PPP6R3: variants seen among roughly 807,000 people sequenced by gnomAD.
The protein encoded by PPP6R3 is protein phosphatase 6 regulatory subunit 3.
A neutral mutation model predicts 110.7 loss-of-function variants in PPP6R3; 38 were observed. The observed-to-expected ratio is 0.34, with a 90% confidence interval of 0.26 to 0.45. PPP6R3 has a LOEUF of 0.45. Ranked by LOEUF, PPP6R3 falls within the 20% of genes least tolerant of loss-of-function variation. The pLI is 1.00. For synonymous variants in PPP6R3, 369 were observed against 373.5 expected (o/e 0.99, Z 0.14); for missense variants, 870 against 1,062.4 (o/e 0.82, Z 2.52).
intron 9 of PPP6R3, among the ~76,000 whole-genome samples, chr11:68,566,582 A>G (rs749241681): frequency 6.6e-5 from 10 of 151,962 alleles, no homozygotes; most frequent in Non-Finnish European, 7.4e-5. Context: ...GCTGGTCTCA[A>G]ACTCCTGGGT....
chr11:68,490,779 C>T (rs905824853), intron 1 of PPP6R3, among the ~76,000 whole-genome samples: 2 of 152,090 alleles, frequency 1.3e-5, no homozygotes, highest in African/African-American at 4.8e-5. Flanking sequence ...GTGTCTTTTT[C>T]TCTAGCATTT....
chr11:68,583,532 G>A (rs1006083214), intron 15 of PPP6R3, among the ~76,000 whole-genome samples: 2 of 152,144 alleles, frequency 1.3e-5, no homozygotes, highest in Non-Finnish European at 2.9e-5. Flanking sequence ...AAACTCTCAC[G>A]AATACCCCTG....
chr11:68,536,049 TGAAGTGGATCTACTTTTTACA>T (rs1345691114), intron 2 of PPP6R3, among the ~76,000 whole-genome samples: 2 of 152,172 alleles, frequency 1.3e-5, no homozygotes, highest in African/African-American at 2.4e-5. Flanking sequence ...GCCTATCCTG[TGAAGTGGATCTACTTTTTACA>T]GAGCCTTGAG....
intron 1 of PPP6R3, among the ~76,000 whole-genome samples, chr11:68,474,925 TA>T (rs1436385287): frequency 6.6e-6 from 1 of 152,196 alleles, no homozygotes; most frequent in Non-Finnish European, 1.5e-5. Flanking sequence ...TTTTTATTTT[TA>T]TTTTTTTCAT....
At chr11:68,508,244 T>G (rs2099089459) in intron 1 of PPP6R3, among the ~76,000 whole-genome samples, 2 of 146,876 alleles carry the variant, frequency 1.4e-5, no homozygotes, top group Non-Finnish European at 3.0e-5. Flanking sequence ...TTCTCCTGCC[T>G]CAGTCTCCCG....
At chr11:68,569,978 T>G in intron 11 of PPP6R3, 81 bp downstream of exon 11, 6 of 1,313,992 alleles carry the variant, frequency 4.6e-6, no homozygotes, top group Non-Finnish European at 5.2e-6. Flanking sequence ...TGAATTGAGG[T>G]TTAAAGGGCT....
At chr11:68,548,962 C>T (rs147609711) in intron 5 of PPP6R3, among the ~76,000 whole-genome samples, 1 of 152,152 alleles carries the variant, frequency 6.6e-6, no homozygotes, top group Admixed American at 6.5e-5. Flanking sequence ...GTGATCTCGG[C>T]TCACTGCAAC....
intron 1 of PPP6R3, among the ~76,000 whole-genome samples, chr11:68,491,328 C>CTGTGTGTGTGTGTG (rs60972668): frequency 2.5e-4 from 31 of 123,568 alleles, no homozygotes; most frequent in East Asian, 5.0e-4. Context: ...GTGTCTTCAG[C>CTGTGTGTGTGTGTG]TGTGTGTGTG....
intron 12 of PPP6R3, among the ~76,000 whole-genome samples, 162 bp from the exon 13 acceptor site, chr11:68,573,947 C>T (rs1180340401): frequency 6.6e-6 from 1 of 152,182 alleles, no homozygotes; most frequent in African/African-American, 2.4e-5. Flanking sequence ...CATATTCTGG[C>T]ACCTTCCATT....
chr11:68,510,340 CTTCT>C (rs777652720), intron 1 of PPP6R3, among the ~76,000 whole-genome samples: 3 of 152,074 alleles, frequency 2.0e-5, no homozygotes, highest in Non-Finnish European at 4.4e-5. Flanking sequence ...GTCCAACATT[CTTCT>C]TTGTTTTTTT....
chr11:68,523,086 T>A (rs776810616), intron 2 of PPP6R3, among the ~76,000 whole-genome samples: 4 of 152,224 alleles, frequency 2.6e-5, no homozygotes, highest in Non-Finnish European at 5.9e-5. Flanking sequence ...CTTACATGGA[T>A]AGCTCCTTCC....
At chr11:68,545,792 A>G (rs1221740513) in intron 4 of PPP6R3, among the ~76,000 whole-genome samples, 3 of 152,202 alleles carry the variant, frequency 2.0e-5, no homozygotes, top group Non-Finnish European at 4.4e-5. Context: ...TTTAGTGGAT[A>G]TTGTTGTGAA....
chr11:68,561,347 G>A (rs796897518), intron 8 of PPP6R3, among the ~76,000 whole-genome samples: 30 of 151,966 alleles, frequency 2.0e-4, no homozygotes, highest in African/African-American at 6.8e-4. Context: ...TGATCCTTCC[G>A]CCTCAGCCTC....
At chr11:68,605,036 G>A (rs777574974) in intron 22 of PPP6R3, among the ~76,000 whole-genome samples, 4 of 152,156 alleles carry the variant, frequency 2.6e-5, no homozygotes, top group African/African-American at 4.8e-5. Context: ...CACCATATTA[G>A]ATATCAAGAC....
intron 3 of PPP6R3, among the ~76,000 whole-genome samples, chr11:68,540,241 C>T (rs1300651160): frequency 1.3e-5 from 2 of 152,140 alleles, no homozygotes; most frequent in Non-Finnish European, 2.9e-5. Flanking sequence ...TTTCCCTAAG[C>T]GTCAGTCGGC....
chr11:68,556,283 G>A (rs1018985553), intron 7 of PPP6R3, among the ~76,000 whole-genome samples: 1 of 152,144 alleles, frequency 6.6e-6, no homozygotes, highest in African/African-American at 2.4e-5. Flanking sequence ...ATGCTAAAGA[G>A]CAGGTACCAA....
intron 6 of PPP6R3, among the ~76,000 whole-genome samples, chr11:68,552,233 C>T (rs572443202): frequency 6.6e-6 from 1 of 152,270 alleles, no homozygotes; most frequent in South Asian, 2.1e-4. Flanking sequence ...CAAAGTTTGT[C>T]CTGAAGCTGG....
intron 8 of PPP6R3, among the ~76,000 whole-genome samples, chr11:68,561,462 C>A (rs779344026): frequency 1.3e-5 from 2 of 152,054 alleles, no homozygotes; most frequent in Non-Finnish European, 2.9e-5. Flanking sequence ...ATACAGAGGG[C>A]CGACTGCAAG....
intron 15 of PPP6R3, chr11:68,586,202 C>G (rs2099577991): frequency 6.6e-6 from 1 of 152,126 alleles, no homozygotes; most frequent in Admixed American, 6.5e-5. Flanking sequence ...AAACTCAGAG[C>G]GTGGTTCATG....
Sources: allele counts gnomAD v4.1 joint callset (sites outside exome capture counted in the v4.1 genomes callset), GRCh38; gene constraint gnomAD v4.1.1; transcripts MANE v1.5; gene names NCBI Gene and HGNC (gene_info 2026-07-23, HGNC 2026-07-21).